Variants in ATL3 observed in about 807,000 individuals in gnomAD.
ATL3 encodes the protein atlastin-3.
In ATL3, 49 loss-of-function variants were observed where a neutral mutation model predicts 69.5. The observed-to-expected ratio is 0.71, with a 90% CI of 0.56 to 0.89. The LOEUF (loss-of-function observed/expected upper bound fraction) is 0.89. ATL3 is among the 40% of genes least tolerant of loss of function. The pLI, the probability that ATL3 is intolerant of heterozygous loss-of-function variation, is 0.00. For synonymous variants in ATL3, 214 were observed against 224.1 expected, an observed-to-expected ratio of 0.95 and a Z score of 0.40; for missense variants, 606 against 645.7, an observed-to-expected ratio of 0.94 and a Z score of 0.67.
chr11:63,638,659 C>A (rs577807301), intron 8 of ATL3, among the ~76,000 whole-genome samples: 2 of 151,746 alleles, frequency 1.3e-5, no homozygotes, highest in African/African-American at 4.8e-5. Flanking sequence ...GAGCTGAGAT[C>A]GCACCACTGC....
At chr11:63,664,432 C>T (rs781090939) in intron 1 of ATL3, among the ~76,000 whole-genome samples, 1 of 151,302 alleles carries the variant, frequency 6.6e-6, no homozygotes, top group African/African-American at 2.4e-5. Context: ...CCCAGCTACT[C>T]GGGAGACTGA....
intron 8 of ATL3, 120 bp downstream of exon 8, chr11:63,643,233 TTAAA>T: frequency 9.1e-7 from 1 of 1,095,426 alleles, no homozygotes; most frequent in Non-Finnish European, 1.3e-6. Flanking sequence ...GAACTAGACT[TTAAA>T]TACTACTCTT....
At chr11:63,645,816 G>C (rs1383523049) in intron 6 of ATL3, among the ~76,000 whole-genome samples, 2 of 151,752 alleles carry the variant, frequency 1.3e-5, no homozygotes, top group Non-Finnish European at 2.9e-5. Context: ...CGCCCAGGCT[G>C]GAGTATAGTG....
chr11:63,659,086 C>G lies in ATL3; in HGVS notation c.213G>C (p.Lys71Asn), dbSNP rs776661625. The change falls in exon 2 of 13, where the codon AAG becomes AAC. Residue 71 changes from lysine to asparagine, a missense_variant. Physicochemically the swap from Lys to Asn is moderately conservative, Grantham distance 94. Transcript: ENST00000398868. ...TAAAATCCAGAATGAAGGACTTGCC[C>G]TTTCGGAAGGCACCAGCCACTGAAA... The part of the protein sequence containing the change: ...VVVSVAGAFR[K>N]GKSFILDFML... The G allele has an allele frequency of 6.2e-7, 1 of 1,613,878 alleles. No homozygotes were observed. The highest frequency in any genetic ancestry group is 1.3e-5 in the African/African-American group (1 of 74,862).
At chr11:63,637,375 T>G (rs1005897957) in intron 8 of ATL3, among the ~76,000 whole-genome samples, 2 of 152,134 alleles carry the variant, frequency 1.3e-5, no homozygotes, top group African/African-American at 2.4e-5. Flanking sequence ...ACACTACTAC[T>G]CCTTTAAATC....
At chr11:63,644,370 A>ACGGACT in intron 6 of ATL3, 109 bp from the exon 7 acceptor site, 1 of 577,354 alleles carries the variant, frequency 1.7e-6, no homozygotes, top group Admixed American at 3.3e-5. Context: ...GGGGTAAAGT[A>ACGGACT]GAAGGATTTA....
chr11:63,655,501 G>C (rs1433959453), intron 3 of ATL3, among the ~76,000 whole-genome samples: 2 of 148,110 alleles, frequency 1.4e-5, no homozygotes, highest in Non-Finnish European at 3.0e-5. Context: ...AGGCGGAAGT[G>C]CAATGGTGCG....
chr11:63,642,317 T>C (rs1478251207), intron 8 of ATL3, among the ~76,000 whole-genome samples: 2 of 152,234 alleles, frequency 1.3e-5, no homozygotes, highest in Non-Finnish European at 2.9e-5. Flanking sequence ...TTAAGTCTCT[T>C]TAACTCAGTT....
intron 1 of ATL3, among the ~76,000 whole-genome samples, chr11:63,663,440 T>C (rs368621427): frequency 6.6e-6 from 1 of 152,214 alleles, no homozygotes; most frequent in East Asian, 1.9e-4. Context: ...GCTGGCTTCT[T>C]CCTACTTTTT....
chr11:63,655,725 C>T (rs1013308040), intron 3 of ATL3, among the ~76,000 whole-genome samples: 11 of 151,844 alleles, frequency 7.2e-5, no homozygotes, highest in African/African-American at 1.4e-4. Flanking sequence ...AGATTACAGA[C>T]GTGCGCCACC....
intron 3 of ATL3, among the ~76,000 whole-genome samples, chr11:63,657,115 CAGG>C (rs1020333625): frequency 2.7e-5 from 4 of 148,294 alleles, no homozygotes; most frequent in African/African-American, 7.5e-5. Flanking sequence ...GAGGCTGAGG[CAGG>C]AGAATTGCTT....
chr11:63,644,072 C>T (rs1286353648), intron 7 of ATL3, 97 bp downstream of exon 7: 3 of 772,666 alleles, frequency 3.9e-6, no homozygotes, highest in Non-Finnish European at 6.6e-6. Flanking sequence ...TATTCAATAT[C>T]ATTTTCAATA....
intron 7 of ATL3, among the ~76,000 whole-genome samples, 199 bp from the exon 8 acceptor site, chr11:63,643,694 A>G (rs927420866): frequency 8.5e-5 from 13 of 152,232 alleles, no homozygotes; most frequent in African/African-American, 3.1e-4. Context: ...GCTAGCAAAC[A>G]GGTGCATAAG....
chr11:63,656,942 T>C (rs1050018578), intron 3 of ATL3, among the ~76,000 whole-genome samples: 28 of 152,116 alleles, frequency 1.8e-4, no homozygotes, highest in Non-Finnish European at 3.2e-4. Flanking sequence ...CCAGGTGTGG[T>C]GGCTCACCCC....
Position 63,644,370 on chromosome 11 carries a change from A to ACGTACT in ATL3, c.619-110_619-109insAGTACG, listed in dbSNP as rs374390649. On this transcript the variant is annotated intron_variant, in intron 6 of 12. Coordinates refer to ENST00000398868, the MANE Select transcript of ATL3 (RefSeq NM_015459.5). ...CCAGCTTCTACAAAGGGGGTAAAGT[A>ACGTACT]GAAGGATTTACCTTTTTTTTTTTTT... 74,651 of 577,122 alleles carry ACGTACT rather than the reference A, an allele frequency of 0.13. 5,914 individuals carry two copies. Among genetic ancestry groups the ACGTACT allele is most frequent in the Middle Eastern group, 0.16 (326 of 2,074 alleles). 35.8% of individuals were successfully genotyped at this position (577,122 alleles called of 1,614,324 possible).
rs2134536062 is a variant in ATL3 at position 63,663,784 on chromosome 11, T to C, written c.47-4532A>G. On this transcript the variant is annotated intron_variant, in intron 1 of 12. Transcript: ENST00000398868. ...TGTCTGGTTGTTCCCCCAATATTAA[T>C]TTCTCCCTCCTGCTATATAATAGAT... Among the ~76,000 whole-genome samples, 2 of 152,332 alleles carry C rather than the reference T, an allele frequency of 1.3e-5. 1 individual carries two copies. Among genetic ancestry groups the C allele is most frequent in the South Asian group, 4.1e-4 (2 of 4,828 alleles).
intron 11 of ATL3, chr11:63,632,821 C>A: frequency 2.9e-6 from 2 of 691,988 alleles, no homozygotes; most frequent in South Asian, 3.9e-5. Flanking sequence ...ATTTGCTATT[C>A]AAAACAAAAC....
intron 1 of ATL3, among the ~76,000 whole-genome samples, chr11:63,669,469 A>G (rs1009242748): frequency 2.0e-5 from 3 of 151,896 alleles, no homozygotes; most frequent in African/African-American, 7.3e-5. Context: ...TGGGAGGCGG[A>G]GGTTGCAGTG....
chr11:63,629,413 A>G lies in ATL3; in HGVS notation c.1540-8T>C. 1 of 1,612,890 alleles carries G rather than the reference A, an allele frequency of 6.2e-7. No individual in the cohort carries two copies. Among genetic ancestry groups the G allele is most frequent in the Non-Finnish European group, 8.5e-7 (1 of 1,178,796 alleles). On this transcript the variant is annotated splice_polypyrimidine_tract_variant and splice_region_variant and intron_variant, in intron 12 of 12. Transcript: ENST00000398868. Reference sequence around the variant, plus strand: ...ACCGATATGAGAAGAAGCCTGCAAAAGTCCATTTATTCAACATATAAGTTA... The same window carrying G: ...ACCGATATGAGAAGAAGCCTGCAAAGGTCCATTTATTCAACATATAAGTTA...
Sources: gnomAD v4.1 joint callset for allele counts (sites outside exome capture counted in the v4.1 genomes callset) on GRCh38, gnomAD v4.1.1 for gene constraint, MANE v1.5 for transcripts, NCBI Gene and HGNC (gene_info 2026-07-23, HGNC 2026-07-21) for gene names.